The following CRTC3 variants were observed in gnomAD, a reference collection of about 807,000 sequenced individuals.
CRTC3 encodes CREB-regulated transcription coactivator 3.
CRTC3 carries 26 observed loss-of-function variants against 74.5 expected under a neutral mutation model. That is an observed-to-expected ratio of 0.35 (90% CI 0.26 to 0.48). The LOEUF (loss-of-function observed/expected upper bound fraction) is 0.48, where lower values mean the gene tolerates loss of function less well. Among genes scored for constraint, CRTC3 ranks in the 20% least tolerant of loss-of-function variants. The pLI is 0.99. For synonymous variants in CRTC3, 377 were observed against 325.8 expected, an observed-to-expected ratio of 1.16 and a Z score of -1.69; for missense variants, 760 against 787.3, an observed-to-expected ratio of 0.97 and a Z score of 0.41.
intron 2 of CRTC3, among the ~76,000 whole-genome samples, chr15:90,559,737 A>G (rs928304585): frequency 6.6e-6 from 1 of 152,018 alleles, no homozygotes; most frequent in Non-Finnish European, 1.5e-5. Flanking sequence ...TGATCCTCCC[A>G]CCTCAGCCCC....
chr15:90,627,690 C>T lies in CRTC3; in HGVS notation c.968-1544C>T, dbSNP rs999594611. 7.3e-5 allele frequency among the ~76,000 whole-genome samples: 11 copies of T among 151,166 alleles called. No individual in the cohort carries two copies. In the East Asian group the frequency reaches 1.6e-3, roughly 22 times the overall value. ...AGGCTGGAGTGCAGTGGCGCCATCT[C>T]GGCTCACTGCAAGCTCTGCCTCCTA... On this transcript the variant is annotated intron_variant, in intron 10 of 14. Coordinates refer to ENST00000268184, the MANE Select transcript of CRTC3 (RefSeq NM_022769.5).
chr15:90,575,247 AGGCTGAGGCGGG>A (rs1967376138), intron 2 of CRTC3, among the ~76,000 whole-genome samples: 1 of 152,138 alleles, frequency 6.6e-6, no homozygotes. Flanking sequence ...GCTACTCAAG[AGGCTGAGGCGGG>A]AAAATCGCTT....
chr15:90,644,030 A>G lies in CRTC3; in HGVS notation c.*1890A>G, dbSNP rs1002780192. On this transcript the variant is annotated 3_prime_UTR_variant, in exon 15 of 15. Transcript: ENST00000268184. ...GCCTCTCATCTTTAAAATAACCCTC[A>G]TGGGGTGCCCCTCCACCTTCCTCTG... is the stretch of plus-strand genomic sequence containing the variant. 2.6e-5 allele frequency: 6 copies of G among 230,870 alleles called. No homozygotes were observed. The highest frequency in any genetic ancestry group is 3.4e-5 in the Non-Finnish European group (4 of 116,658). 14.3% of individuals were successfully genotyped at this position (230,870 alleles called of 1,614,324 possible).
chr15:90,587,079 A>T (rs1220810751), intron 2 of CRTC3, among the ~76,000 whole-genome samples: 1 of 152,214 alleles, frequency 6.6e-6, no homozygotes, highest in African/African-American at 2.4e-5. Context: ...AGTTAATGCA[A>T]ATGTAGGTCA....
intron 3 of CRTC3, among the ~76,000 whole-genome samples, chr15:90,601,415 C>G (rs1019137718): frequency 6.6e-6 from 1 of 152,038 alleles, no homozygotes; most frequent in Non-Finnish European, 1.5e-5. Flanking sequence ...TTTGGGAGGC[C>G]GAGGTGGGTG....
intron 2 of CRTC3, among the ~76,000 whole-genome samples, chr15:90,543,403 A>T (rs1966835810): frequency 6.6e-6 from 1 of 151,384 alleles, no homozygotes; most frequent in South Asian, 2.1e-4. Context: ...GAGATACTTT[A>T]TCCTGATCTT....
chr15:90,621,511 T>C (rs543297654), intron 9 of CRTC3, among the ~76,000 whole-genome samples: 176 of 152,262 alleles, frequency 1.2e-3, no homozygotes, highest in African/African-American at 4.1e-3. Context: ...ATAGAAAAGA[T>C]AGGGTTTCAC....
chr15:90,629,203 ATAAG>A (rs1431943014), intron 10 of CRTC3, 27 bp from the exon 11 acceptor site: 8 of 1,590,814 alleles, frequency 5.0e-6, no homozygotes, highest in Non-Finnish European at 6.9e-6. Context: ...GTCTGAAATT[ATAAG>A]TAACTTGTGA....
chr15:90,619,649 A>G (rs1218515490), intron 8 of CRTC3, 92 bp from the exon 9 acceptor site: 4 of 1,020,272 alleles, frequency 3.9e-6, no homozygotes, highest in Non-Finnish European at 6.2e-6. Flanking sequence ...ACTTGCGCCC[A>G]CTAGAGCCTC....
intron 9 of CRTC3, among the ~76,000 whole-genome samples, chr15:90,621,583 A>G (rs1596132783): frequency 6.6e-6 from 1 of 152,118 alleles, no homozygotes; most frequent in African/African-American, 2.4e-5. Flanking sequence ...TTGGCCTCCC[A>G]AAGTGCTAGG....
intron 4 of CRTC3, among the ~76,000 whole-genome samples, chr15:90,603,420 G>A (rs1968137181): frequency 6.6e-6 from 1 of 151,994 alleles, no homozygotes; most frequent in Non-Finnish European, 1.5e-5. Flanking sequence ...TCCAGCCTGG[G>A]TGACAGAGCG....
chr15:90,612,773 C>T (rs1968395306), intron 6 of CRTC3, among the ~76,000 whole-genome samples: 1 of 152,174 alleles, frequency 6.6e-6, no homozygotes, highest in East Asian at 1.9e-4. Flanking sequence ...TGTAGAGCCA[C>T]AGCTTCCACA....
intron 11 of CRTC3, among the ~76,000 whole-genome samples, chr15:90,637,152 G>C (rs1452544619): frequency 6.6e-6 from 1 of 152,186 alleles, no homozygotes; most frequent in Admixed American, 6.5e-5. Flanking sequence ...TTGGAACCAA[G>C]CCAGATGTCC....
intron 2 of CRTC3, among the ~76,000 whole-genome samples, chr15:90,568,849 G>T (rs188228512): frequency 9.9e-5 from 15 of 152,232 alleles, no homozygotes; most frequent in African/African-American, 3.4e-4. Flanking sequence ...CTAGGAAAAA[G>T]ATTACAACTC....
intron 7 of CRTC3, among the ~76,000 whole-genome samples, chr15:90,617,332 T>C (rs1968519944): frequency 6.6e-6 from 1 of 152,234 alleles, no homozygotes; most frequent in Non-Finnish European, 1.5e-5. Flanking sequence ...GATTACACAT[T>C]CGTGAAAGGT....
intron 5 of CRTC3, among the ~76,000 whole-genome samples, chr15:90,606,040 G>T (rs1231906077): frequency 6.6e-6 from 1 of 152,166 alleles, no homozygotes; most frequent in East Asian, 1.9e-4. Context: ...CGAATCACCT[G>T]AGGTCAGGAG....
chr15:90,586,901 G>C (rs2151075478), intron 2 of CRTC3, among the ~76,000 whole-genome samples: 1 of 152,288 alleles, frequency 6.6e-6, no homozygotes, highest in Middle Eastern at 3.4e-3. Flanking sequence ...AATCTTCCTA[G>C]TTGATAATAA....
intron 3 of CRTC3, among the ~76,000 whole-genome samples, chr15:90,596,734 T>C (rs898658755): frequency 6.6e-6 from 1 of 152,222 alleles, no homozygotes; most frequent in African/African-American, 2.4e-5. Flanking sequence ...ATTCTGTTGG[T>C]TGTGAAATAA....
chr15:90,614,792 A>C (rs1043260643), intron 7 of CRTC3, among the ~76,000 whole-genome samples: 5 of 152,222 alleles, frequency 3.3e-5, no homozygotes, highest in Non-Finnish European at 7.3e-5. Flanking sequence ...GGCCTGGCAC[A>C]GTGGCTCATG....
Sources: gnomAD v4.1 joint callset for allele counts (sites outside exome capture counted in the v4.1 genomes callset) on GRCh38, gnomAD v4.1.1 for gene constraint, MANE v1.5 for transcripts, NCBI Gene and HGNC (gene_info 2026-07-23, HGNC 2026-07-21) for gene names.